The following PSMF1 variants were observed in gnomAD, a reference collection of about 807,000 sequenced individuals.
PSMF1 encodes proteasome inhibitor PI31 subunit.
PSMF1 carries 30 observed loss-of-function variants against 29.3 expected under a neutral mutation model. That is an observed-to-expected ratio of 1.02 (90% CI 0.77 to 1.39). The LOEUF (loss-of-function observed/expected upper bound fraction) is 1.39. PSMF1 is among the 40% of genes most tolerant of loss of function. The pLI is 0.00. For missense variants in PSMF1, 344 were observed against 357.5 expected, an observed-to-expected ratio of 0.96 and a Z score of 0.31; for synonymous variants, 134 against 139.7, an observed-to-expected ratio of 0.96 and a Z score of 0.29.
chr20:1,126,538 C>T (rs1489027695), intron 2 of PSMF1, among the ~76,000 whole-genome samples: 1 of 152,038 alleles, frequency 6.6e-6, no homozygotes, highest in Non-Finnish European at 1.5e-5. Flanking sequence ...TTTCAAACAA[C>T]AAAAACCTCT....
rs12625012 is a variant in PSMF1, at chr20:1,134,373, T to G, written c.366-748T>G. On this transcript the variant is annotated intron_variant, in intron 3 of 6. Coordinates refer to ENST00000335877, the MANE Select transcript of PSMF1 (RefSeq NM_006814.5). The stretch of plus-strand genomic sequence containing the variant: ...AGTATGTTGCTTAATTTTCATGTAT[T>G]TAGAGAGTTAACTTTTTGTTTTGAT... Among the ~76,000 whole-genome samples the G allele has an allele frequency of 2.6e-5, 4 of 152,200 alleles. No individual in the cohort carries two copies. In the East Asian group the frequency reaches 7.7e-4, roughly 29 times the overall value.
chr20:1,143,336 A>G (rs1024925527), intron 4 of PSMF1, among the ~76,000 whole-genome samples: 30 of 152,254 alleles, frequency 2.0e-4, no homozygotes, highest in African/African-American at 6.5e-4. Context: ...GTGAACACAG[A>G]ACTAAGACCA....
chr20:1,133,143 A>G (rs957506469), intron 3 of PSMF1, among the ~76,000 whole-genome samples: 3 of 151,384 alleles, frequency 2.0e-5, no homozygotes, highest in African/African-American at 4.8e-5. Flanking sequence ...ATGAGAAAGA[A>G]TATGCTTTCC....
At chr20:1,139,280 T>G (rs1421939927) in intron 4 of PSMF1, among the ~76,000 whole-genome samples, 2 of 152,230 alleles carry the variant, frequency 1.3e-5, no homozygotes, top group Non-Finnish European at 2.9e-5. Flanking sequence ...TTCTCCTTAA[T>G]GGAGAAAGAT....
intron 3 of PSMF1, among the ~76,000 whole-genome samples, chr20:1,134,268 A>C (rs780481294): frequency 6.6e-6 from 1 of 151,328 alleles, no homozygotes; most frequent in Non-Finnish European, 1.5e-5. Flanking sequence ...TATCCCACAT[A>C]TTTTCGTATG....
chr20:1,148,580 G>A (rs2086486241), intron 4 of PSMF1, among the ~76,000 whole-genome samples: 1 of 152,022 alleles, frequency 6.6e-6, no homozygotes, highest in Admixed American at 6.6e-5. Context: ...CAAATAGTTT[G>A]CATTTTGCAT....
intron 4 of PSMF1, among the ~76,000 whole-genome samples, chr20:1,145,958 C>T (rs1280543604): frequency 6.6e-6 from 1 of 152,106 alleles, no homozygotes; most frequent in Non-Finnish European, 1.5e-5. Flanking sequence ...TTTTCAAGCG[C>T]ATATTTTCTT....
intron 4 of PSMF1, among the ~76,000 whole-genome samples, chr20:1,157,410 TAAG>T (rs543813700): frequency 1.2e-4 from 19 of 152,298 alleles, no homozygotes; most frequent in African/African-American, 4.3e-4. Context: ...AAAGCCAAAA[TAAG>T]GTCATAATTA....
intron 4 of PSMF1, among the ~76,000 whole-genome samples, chr20:1,155,022 T>G (rs1019024443): frequency 6.6e-6 from 1 of 152,182 alleles, no homozygotes; most frequent in Admixed American, 6.5e-5. Flanking sequence ...ACAGAATGCA[T>G]AGAGTAAAGC....
Position 1,171,827 on chromosome 20 carries a change from T to C in PSMF1, c.*6747T>C, listed in dbSNP as rs972936438. Among the ~76,000 whole-genome samples the C allele has an allele frequency of 6.6e-6, 1 of 152,152 alleles. No individual in the cohort carries two copies. The highest frequency in any genetic ancestry group is 1.5e-5 in the Non-Finnish European group (1 of 68,024). ...TGGACCTAGGTGTCTTGCCACCCAA[T>C]ACAGAGCCCTGCCCTCTCCCTCTCC... On this transcript the variant is annotated 3_prime_UTR_variant, in exon 7 of 7. Coordinates refer to ENST00000335877, the MANE Select transcript of PSMF1 (RefSeq NM_006814.5).
intron 4 of PSMF1, among the ~76,000 whole-genome samples, chr20:1,162,012 G>A (rs148700289): frequency 1.3e-5 from 2 of 152,184 alleles, no homozygotes; most frequent in African/African-American, 4.8e-5. Flanking sequence ...TGGAAGACAA[G>A]TCTATGGCTT....
At position 1,136,382 on chromosome 20, in the gene PSMF1, G is replaced by T. The variant is rs186964358; in HGVS notation, c.551+1076G>T. Reference sequence around the variant, plus strand: ...GATGTGATCTAACCACCTTTCCATGGTGGAAAGATTTAAGAATAAGCCCTG... The same window carrying T: ...GATGTGATCTAACCACCTTTCCATGTTGGAAAGATTTAAGAATAAGCCCTG... On this transcript the variant is annotated intron_variant, in intron 4 of 6. Coordinates refer to ENST00000335877, the MANE Select transcript of PSMF1 (RefSeq NM_006814.5). Among the ~76,000 whole-genome samples the T allele has an allele frequency of 3.3e-5, 5 of 152,276 alleles. No individual in the cohort carries two copies. In the East Asian group the frequency reaches 9.6e-4, roughly 29 times the overall value.
At chr20:1,147,298 C>G (rs1013401558) in intron 4 of PSMF1, among the ~76,000 whole-genome samples, 14 of 152,160 alleles carry the variant, frequency 9.2e-5, no homozygotes, top group African/African-American at 3.1e-4. Context: ...ACAAGAAGAT[C>G]AGTGGCATCC....
At chr20:1,135,439 A>G (rs1013439887) in intron 4 of PSMF1, 133 bp downstream of exon 4, 1 of 1,008,908 alleles carries the variant, frequency 9.9e-7, no homozygotes, top group Middle Eastern at 3.2e-4. Flanking sequence ...CTTGGGGTGC[A>G]TGGAGTTAGA....
chr20:1,119,901 A>G (rs1490686352), intron 1 of PSMF1, among the ~76,000 whole-genome samples: 1 of 152,144 alleles, frequency 6.6e-6, no homozygotes, highest in Non-Finnish European at 1.5e-5. Flanking sequence ...GCATCTTGCC[A>G]TGAGATTTCA....
intron 4 of PSMF1, among the ~76,000 whole-genome samples, chr20:1,141,745 G>C (rs1422836231): frequency 1.3e-5 from 2 of 152,146 alleles, no homozygotes; most frequent in African/African-American, 4.8e-5. Context: ...TATATATGCA[G>C]ATGACATAAT....
At chr20:1,158,614 T>G (rs968084786) in intron 4 of PSMF1, among the ~76,000 whole-genome samples, 1 of 152,090 alleles carries the variant, frequency 6.6e-6, no homozygotes, top group Admixed American at 6.5e-5. Context: ...AAATCATGAG[T>G]GTTCAGGATC....
At chr20:1,135,002 G>A in intron 3 of PSMF1, 119 bp from the exon 4 acceptor site, 1 of 985,988 alleles carries the variant, frequency 1.0e-6, no homozygotes. Context: ...TTATAAACAG[G>A]CCAAGCGCAA....
intron 4 of PSMF1, among the ~76,000 whole-genome samples, chr20:1,149,688 A>G (rs951236520): frequency 6.6e-6 from 1 of 152,244 alleles, no homozygotes; most frequent in African/African-American, 2.4e-5. Flanking sequence ...AGCTTGAACA[A>G]CTGCACAAGT....
Sources: allele counts gnomAD v4.1 joint callset (sites outside exome capture counted in the v4.1 genomes callset), GRCh38; gene constraint gnomAD v4.1.1; transcripts MANE v1.5; gene names NCBI Gene and HGNC (gene_info 2026-07-23, HGNC 2026-07-21).